FOXP1: variants seen among roughly 807,000 people sequenced by gnomAD.
The protein encoded by FOXP1 is forkhead box protein P1.
Under a neutral mutation model 98.2 loss-of-function variants are expected in FOXP1, and 15 were observed. The observed-to-expected ratio is 0.15, with a 90% CI of 0.10 to 0.24. FOXP1 has a LOEUF of 0.24. Among genes scored for constraint, FOXP1 ranks in the 10% least tolerant of loss-of-function variants. The pLI is 1.00. For synonymous variants in FOXP1, 371 were observed against 314.5 expected, an observed-to-expected ratio of 1.18 and a Z score of -1.90; for missense variants, 633 against 848.5, an observed-to-expected ratio of 0.75 and a Z score of 3.15.
At chr3:71,232,588 CA>C (rs1007597275) in intron 5 of FOXP1, among the ~76,000 whole-genome samples, 1 of 150,602 alleles carries the variant, frequency 6.6e-6, no homozygotes, top group African/African-American at 2.4e-5. Flanking sequence ...GAAACTCCGA[CA>C]AAAAAAACAA....
chr3:71,097,589 T>C (rs2056585692), intron 7 of FOXP1, among the ~76,000 whole-genome samples: 1 of 152,156 alleles, frequency 6.6e-6, no homozygotes, highest in Non-Finnish European at 1.5e-5. Context: ...GAGACAACGA[T>C]GGAGGAAGGT....
chr3:71,324,817 TA>T (rs1020456268), intron 4 of FOXP1, among the ~76,000 whole-genome samples: 1 of 151,524 alleles, frequency 6.6e-6, no homozygotes, highest in African/African-American at 2.4e-5. Flanking sequence ...CAAAACAAAT[TA>T]AAAAAAATAA....
At chr3:70,978,883 G>A (rs189074716) in intron 14 of FOXP1, among the ~76,000 whole-genome samples, 156 of 152,132 alleles carry the variant, frequency 1.0e-3, no homozygotes, top group African/African-American at 3.1e-3. Context: ...TGAGGTTTTT[G>A]ATTTTTTTCC....
intron 5 of FOXP1, among the ~76,000 whole-genome samples, chr3:71,251,276 C>T (rs1454935199): frequency 6.6e-6 from 1 of 152,202 alleles, no homozygotes; most frequent in Non-Finnish European, 1.5e-5. Context: ...ATAACTCATA[C>T]CATTTGGAAA....
intron 11 of FOXP1, among the ~76,000 whole-genome samples, chr3:71,021,626 A>G (rs2045455733): frequency 6.6e-6 from 1 of 152,138 alleles, no homozygotes; most frequent in Admixed American, 6.5e-5. Flanking sequence ...CCGCTTTCCA[A>G]AGCACTTTAT....
At chr3:71,420,255 T>G (rs1467750239) in intron 3 of FOXP1, among the ~76,000 whole-genome samples, 1 of 152,184 alleles carries the variant, frequency 6.6e-6, no homozygotes, top group East Asian at 1.9e-4. Context: ...AGGTATATTA[T>G]ACTACAAATG....
chr3:71,032,634 G>A (rs1258469137), intron 11 of FOXP1, among the ~76,000 whole-genome samples: 1 of 152,184 alleles, frequency 6.6e-6, no homozygotes, highest in African/African-American at 2.4e-5. Context: ...CGGCAGAGAG[G>A]TAGCTCCCTC....
At chr3:71,162,415 T>C (rs1456552509) in intron 6 of FOXP1, among the ~76,000 whole-genome samples, 3 of 152,208 alleles carry the variant, frequency 2.0e-5, no homozygotes, top group African/African-American at 4.8e-5. Flanking sequence ...GCATTGTCCA[T>C]ATGATCCTTT....
At chr3:70,973,084 C>CA (rs1436025731) in intron 17 of FOXP1, among the ~76,000 whole-genome samples, 1 of 152,184 alleles carries the variant, frequency 6.6e-6, no homozygotes, top group Non-Finnish European at 1.5e-5. Flanking sequence ...GAAAGAGGAA[C>CA]ACTTGGTTAA....
intron 5 of FOXP1, among the ~76,000 whole-genome samples, chr3:71,237,069 T>C (rs2066850738): frequency 6.7e-6 from 1 of 149,806 alleles, no homozygotes; most frequent in African/African-American, 2.4e-5. Context: ...CCGCCTCTAC[T>C]AAAAATACAA....
intron 6 of FOXP1, among the ~76,000 whole-genome samples, chr3:71,163,175 T>C (rs998674495): frequency 2.0e-5 from 3 of 152,216 alleles, no homozygotes; most frequent in Non-Finnish European, 4.4e-5. Flanking sequence ...CCAAATCTTT[T>C]TTTCCAGGCA....
chr3:71,284,820 A>G (rs2071938838), intron 5 of FOXP1, among the ~76,000 whole-genome samples: 1 of 152,154 alleles, frequency 6.6e-6, no homozygotes, highest in South Asian at 2.1e-4. Context: ...AACTTTGTCA[A>G]CTATATGTAC....
intron 1 of FOXP1, among the ~76,000 whole-genome samples, chr3:71,583,282 T>G (rs1366372273): frequency 1.3e-5 from 2 of 151,758 alleles, no homozygotes; most frequent in South Asian, 4.1e-4. Context: ...ACCCAAAGGG[T>G]GCGGGCGCCG....
At chr3:71,016,825 G>C (rs1576186260) in intron 11 of FOXP1, among the ~76,000 whole-genome samples, 1 of 152,082 alleles carries the variant, frequency 6.6e-6, no homozygotes, top group Admixed American at 6.6e-5. Context: ...ACAACCCACA[G>C]TAAGTGTATT....
At chr3:71,279,608 T>A (rs1216892756) in intron 5 of FOXP1, among the ~76,000 whole-genome samples, 1 of 152,206 alleles carries the variant, frequency 6.6e-6, no homozygotes, top group Admixed American at 6.5e-5. Context: ...ACTATGCATA[T>A]ACAAGCTTTT....
chr3:71,010,830 C>T (rs970305453), intron 12 of FOXP1, among the ~76,000 whole-genome samples: 2 of 136,012 alleles, frequency 1.5e-5, no homozygotes, highest in African/African-American at 2.7e-5. Context: ...ACAATAACCC[C>T]CCCTCCCCCC....
At chr3:71,237,006 G>C (rs2066842629) in intron 5 of FOXP1, among the ~76,000 whole-genome samples, 1 of 151,354 alleles carries the variant, frequency 6.6e-6, no homozygotes, top group South Asian at 2.1e-4. Flanking sequence ...GGCCGAGGCG[G>C]GCAAATCACG....
intron 7 of FOXP1, among the ~76,000 whole-genome samples, chr3:71,086,428 C>A (rs1220342190): frequency 6.6e-6 from 1 of 152,166 alleles, no homozygotes; most frequent in African/African-American, 2.4e-5. Flanking sequence ...GTGACAACAA[C>A]ATATACAAAC....
intron 3 of FOXP1, among the ~76,000 whole-genome samples, chr3:71,367,093 C>T (rs1018486967): frequency 6.6e-6 from 1 of 152,150 alleles, no homozygotes. Context: ...TTTGGCATTT[C>T]ATAAATATTT....
Sources: allele counts gnomAD v4.1 joint callset (sites outside exome capture counted in the v4.1 genomes callset), GRCh38; gene constraint gnomAD v4.1.1; transcripts MANE v1.5; gene names NCBI Gene and HGNC (gene_info 2026-07-23, HGNC 2026-07-21).